Variants in SLCO1A2 observed in about 807,000 individuals in gnomAD.
The protein encoded by SLCO1A2 is OATP-1.
Under a neutral mutation model 69.0 loss-of-function variants are expected in SLCO1A2, and 67 were observed. The ratio of observed to expected loss-of-function variants is 0.97; its 90% CI spans 0.80 to 1.19. The LOEUF (loss-of-function observed/expected upper bound fraction) is 1.19, where lower values mean the gene tolerates loss of function less well. SLCO1A2 is among the 50% of genes most tolerant of loss of function. The pLI, the probability that SLCO1A2 is intolerant of heterozygous loss-of-function variation, is 0.00. For missense variants in SLCO1A2, 787 were observed against 793.7 expected, an observed-to-expected ratio of 0.99 and a Z score of 0.10; for synonymous variants, 260 against 265.9, an observed-to-expected ratio of 0.98 and a Z score of 0.22.
chr12:21,367,838 T>TA (rs1939504390), intron 2 of SLCO1A2, among the ~76,000 whole-genome samples: 1 of 151,880 alleles, frequency 6.6e-6, no homozygotes, highest in Non-Finnish European at 1.5e-5. Flanking sequence ...AAAATACATA[T>TA]AAAGTATATT....
At chr12:21,374,347 C>T (rs1565521539) in intron 2 of SLCO1A2, 1 of 152,166 alleles carries the variant, frequency 6.6e-6, no homozygotes, top group Non-Finnish European at 1.5e-5. Flanking sequence ...TCCATATAGT[C>T]TTATGGGACT....
chr12:21,378,397 A>C, intron 1 of SLCO1A2: 7 of 1,614,102 alleles, frequency 4.3e-6, no homozygotes, highest in Non-Finnish European at 5.9e-6. Flanking sequence ...GGTTTTAAAG[A>C]GAGAGCCACT....
intron 1 of SLCO1A2, chr12:21,374,624 T>G (rs1482629014): frequency 1.4e-5 from 2 of 142,626 alleles, no homozygotes; most frequent in Non-Finnish European, 3.0e-5. Flanking sequence ...GACTGTAATT[T>G]TCTATTTGCT....
At chr12:21,282,244 T>C (rs7486475) in intron 12 of SLCO1A2, among the ~76,000 whole-genome samples, 7,256 of 152,058 alleles carry the variant, frequency 0.048, 571 homozygotes, top group African/African-American at 0.16. Context: ...CATGACCAAA[T>C]GGGATTTATC....
chr12:21,360,748 C>A lies in SLCO1A2; in HGVS notation c.-63+13651G>T, dbSNP rs77434866. Among the ~76,000 whole-genome samples the A allele has an allele frequency of 6.3e-3, 958 of 152,344 alleles. 28 individuals are homozygous for A. Among genetic ancestry groups the A allele is most frequent in the Admixed American group, 0.036 (558 of 15,306 alleles). ...CACACCAGGAGATTATATCCCGCGG[C>A]TGGCTTGGAGGCTCCCACACCCACG... is the stretch of plus-strand genomic sequence containing the variant. On this transcript the variant is annotated intron_variant, in intron 2 of 15. Coordinates refer to the SLCO1A2 transcript ENST00000307378.
At chr12:21,356,665 T>C (rs1472391141) in intron 2 of SLCO1A2, among the ~76,000 whole-genome samples, 1 of 152,132 alleles carries the variant, frequency 6.6e-6, no homozygotes, top group Non-Finnish European at 1.5e-5. Context: ...TACATTTCTA[T>C]GCACCCAATG....
At chr12:21,270,267 T>G (rs1007322690) in intron 14 of SLCO1A2, among the ~76,000 whole-genome samples, 1 of 151,842 alleles carries the variant, frequency 6.6e-6, no homozygotes, top group African/African-American at 2.4e-5. Flanking sequence ...CTGCTTGTAG[T>G]CGGAAGAATA....
chr12:21,288,366 G>A (rs185718948), intron 12 of SLCO1A2, among the ~76,000 whole-genome samples: 10 of 152,216 alleles, frequency 6.6e-5, no homozygotes, highest in African/African-American at 2.2e-4. Context: ...GCTTGAGCCA[G>A]GGAGGCGGAG....
chr12:21,363,978 G>A (rs1377407603), intron 2 of SLCO1A2, among the ~76,000 whole-genome samples: 1 of 152,158 alleles, frequency 6.6e-6, no homozygotes, highest in Non-Finnish European at 1.5e-5. Context: ...AAAAAGAGGA[G>A]CTGGTACCAT....
chr12:21,337,291 G>A (rs1249447867), upstream of SLCO1A2, among the ~76,000 whole-genome samples: 6 of 151,922 alleles, frequency 3.9e-5, no homozygotes, highest in Non-Finnish European at 8.8e-5. Flanking sequence ...ATAATACAAA[G>A]TTTTATAAAA....
At chr12:21,307,011 A>C (rs1388373601) in intron 4 of SLCO1A2, 23 bp from the exon 5 acceptor site, 1 of 1,522,060 alleles carries the variant, frequency 6.6e-7, no homozygotes, top group Non-Finnish European at 9.1e-7. Flanking sequence ...AGGGAAAATG[A>C]GTTTATTTTA....
At chr12:21,336,419 A>G (rs2136967026), upstream of SLCO1A2, among the ~76,000 whole-genome samples, 1 of 152,000 alleles carries the variant, frequency 6.6e-6, no homozygotes. Flanking sequence ...TTTTTTCACT[A>G]TGTCTGGAAG....
intron 4 of SLCO1A2, among the ~76,000 whole-genome samples, chr12:21,314,203 G>A (rs1950577515): frequency 6.6e-6 from 1 of 152,090 alleles, no homozygotes; most frequent in Admixed American, 6.6e-5. Flanking sequence ...CTGTCTCTTG[G>A]TGATCTGCAA....
In SLCO1A2 at chr12:21,269,751, A is replaced by C. The variant is rs776498777; in HGVS notation, c.1810T>G (p.Leu604Val). 10 of 1,610,508 alleles carry C rather than the reference A, an allele frequency of 6.2e-6. No individual in the cohort carries two copies. The South Asian group carries it at 1.1e-4, about 18-fold the overall frequency. The change falls in exon 15 of 15, where the codon TTG becomes GTG. Residue 604 changes from leucine (L) to valine (V), a missense_variant. By Grantham distance (32) the Leu-to-Val change is conservative. Transcript: ENST00000683939. ...STTFRYIYLGLPAALRGSSFV... is the reference protein window; with the variant it reads ...STTFRYIYLGVPAALRGSSFV... ...CTTGATCCTCTTAGTGCTGCCGGCA[A>C]TCCGAGGTAGATGTATCTATTTTTT...
chr12:21,413,010 A>G (rs1211956381), intron 1 of SLCO1A2, among the ~76,000 whole-genome samples: 1 of 152,162 alleles, frequency 6.6e-6, no homozygotes, highest in Non-Finnish European at 1.5e-5. Flanking sequence ...GGACCTGCTC[A>G]TCTGTTAGAA....
chr12:21,295,117 T>C (rs1291355091), intron 10 of SLCO1A2: 20 of 152,220 alleles, frequency 1.3e-4, no homozygotes, highest in Admixed American at 1.3e-3. Context: ...GCAATATAAA[T>C]GAAATATATG....
chr12:21,413,181 TAAGA>T (rs1233518053), intron 1 of SLCO1A2, among the ~76,000 whole-genome samples: 2 of 151,906 alleles, frequency 1.3e-5, no homozygotes, highest in African/African-American at 4.8e-5. Flanking sequence ...TATGACTTCT[TAAGA>T]TAGATACCTA....
intron 2 of SLCO1A2, among the ~76,000 whole-genome samples, chr12:21,343,252 C>G (rs2136987717): frequency 6.6e-6 from 1 of 152,226 alleles, no homozygotes; most frequent in South Asian, 2.1e-4. Context: ...CTCCTTAGAA[C>G]ATTTTCAGAA....
At chr12:21,334,945 T>C (rs1248026710), upstream of SLCO1A2, 3 of 248,502 alleles carry the variant, frequency 1.2e-5, no homozygotes, top group African/African-American at 6.7e-5. Flanking sequence ...ATTAAAGATA[T>C]TAGAATTGTT....
Sources: allele counts gnomAD v4.1 joint callset (sites outside exome capture counted in the v4.1 genomes callset), GRCh38; gene constraint gnomAD v4.1.1; transcripts MANE v1.5; gene names NCBI Gene and HGNC (gene_info 2026-07-23, HGNC 2026-07-21).